KIAA0513: variants seen among roughly 807,000 people sequenced by gnomAD.
The protein encoded by KIAA0513 is uncharacterized protein KIAA0513.
KIAA0513 carries 39 observed loss-of-function variants against 56.5 expected under a neutral mutation model. The observed-to-expected ratio is 0.69, with a 90% CI of 0.53 to 0.90. The LOEUF is 0.90. Ranked by LOEUF, KIAA0513 falls within the 40% of genes least tolerant of loss-of-function variation. The pLI is 0.00. For synonymous variants in KIAA0513, 268 were observed against 215.6 expected (o/e 1.24, Z -2.13); for missense variants, 591 against 535.2 (o/e 1.10, Z -1.03).
chr16:85,073,121 C>A, intron 4 of KIAA0513, 123 bp downstream of exon 4: 1 of 834,662 alleles, frequency 1.2e-6, no homozygotes, highest in Non-Finnish European at 2.1e-6. Flanking sequence ...CATCAGGTTG[C>A]AGTTGCTCTG....
Position 85,078,927 on chromosome 16 carries a change from A to G in KIAA0513, c.826A>G (p.Thr276Ala). The G allele has an allele frequency of 6.2e-7, 1 of 1,614,132 alleles. No homozygotes were observed. The change falls in exon 8 of 13, where the codon ACC becomes GCC. Residue 276 changes from threonine to alanine, a missense_variant and splice_region_variant. By Grantham distance (58) the Thr-to-Ala change is moderately conservative. Transcript: ENST00000683363. ...AGCCATTCTCTCTCCTCCCACAGTGACCGCGTACAGCCCCGAGGACGAAAA... is the reference window on the plus strand; with the variant it reads ...AGCCATTCTCTCTCCTCCCACAGTGGCCGCGTACAGCCCCGAGGACGAAAA... ...KPQEKRPRAVTAYSPEDEKKG... is the reference protein window; with the variant it reads ...KPQEKRPRAVAAYSPEDEKKG...
intron 1 of KIAA0513, among the ~76,000 whole-genome samples, chr16:85,052,903 T>C (rs1403829824): frequency 6.6e-6 from 1 of 152,162 alleles, no homozygotes; most frequent in Non-Finnish European, 1.5e-5. Context: ...TTTTATTTTT[T>C]TTATTTTGAG....
In KIAA0513 at chr16:85,087,749, C is replaced by T. The variant is rs531640254; in HGVS notation, c.1187-527C>T. Reference sequence around the variant, plus strand: ...AAGGACTTACACTTAGGCGTGGGTACGGATTGACCCATATTCTTTAGAGAA... The same window carrying T: ...AAGGACTTACACTTAGGCGTGGGTATGGATTGACCCATATTCTTTAGAGAA... On this transcript the variant is annotated intron_variant, in intron 12 of 12. Coordinates refer to ENST00000683363, the MANE Select transcript of KIAA0513 (RefSeq NM_001388359.1). Among the ~76,000 whole-genome samples the T allele has an allele frequency of 7.9e-5, 12 of 152,310 alleles. No individual in the cohort carries two copies. In the South Asian group the frequency reaches 1.9e-3, roughly 24 times the overall value.
At chr16:85,079,762 T>G (rs1197395590) in intron 8 of KIAA0513, 1 of 152,148 alleles carries the variant, frequency 6.6e-6, no homozygotes, top group Admixed American at 6.6e-5. Flanking sequence ...GAATTGTATG[T>G]TTTAGAGGGT....
intron 1 of KIAA0513, among the ~76,000 whole-genome samples, chr16:85,049,337 GC>G: frequency 6.6e-6 from 1 of 152,362 alleles, no homozygotes. Context: ...CATGGGGCCA[GC>G]GGGAGCTGAG....
intron 1 of KIAA0513, among the ~76,000 whole-genome samples, chr16:85,044,826 AGAAG>A (rs2073150018): frequency 6.6e-6 from 1 of 151,770 alleles, no homozygotes; most frequent in African/African-American, 2.4e-5. Flanking sequence ...CTCTTAAGAA[AGAAG>A]GCATTTGGCC....
intron 1 of KIAA0513, among the ~76,000 whole-genome samples, chr16:85,047,319 A>G (rs1282878575): frequency 1.3e-5 from 2 of 152,098 alleles, no homozygotes; most frequent in African/African-American, 2.4e-5. Context: ...AGCTCGTAAC[A>G]ACTTGATGGG....
At chr16:85,085,306 C>T (rs2073795853) in intron 10 of KIAA0513, among the ~76,000 whole-genome samples, 1 of 152,220 alleles carries the variant, frequency 6.6e-6, no homozygotes, top group African/African-American at 2.4e-5. Flanking sequence ...CCCCATCATG[C>T]CCCTGATGTC....
At position 85,057,775 on chromosome 16, in the gene KIAA0513, T is replaced by G. The variant is rs570659009; in HGVS notation, c.-172-9125T>G. 6.5e-4 allele frequency among the ~76,000 whole-genome samples: 99 copies of G among 151,884 alleles called. 3 individuals are homozygous for G. The highest frequency in any genetic ancestry group is 5.9e-4 in the Admixed American group (9 of 15,278). On this transcript the variant is annotated intron_variant, in intron 1 of 12. Transcript: ENST00000683363. ...GCCTCTGCTTTTTGTTTTTGTTTTT[T>G]TTTTTTTTCTCTCTCTCTCCTTTTA...
intron 10 of KIAA0513, among the ~76,000 whole-genome samples, 167 bp downstream of exon 10, chr16:85,082,760 G>C (rs1054109491): frequency 2.0e-5 from 3 of 152,218 alleles, no homozygotes; most frequent in Non-Finnish European, 4.4e-5. Flanking sequence ...GGTGAGGCCA[G>C]CGCTAGGGCA....
chr16:85,068,522 C>T (rs879769093), intron 2 of KIAA0513, among the ~76,000 whole-genome samples: 46 of 151,876 alleles, frequency 3.0e-4, no homozygotes, highest in African/African-American at 9.4e-4. Context: ...TTAGTAGAGA[C>T]GGGGTTTCAC....
chr16:85,068,863 A>T (rs1298019907), intron 2 of KIAA0513, among the ~76,000 whole-genome samples: 1 of 152,056 alleles, frequency 6.6e-6, no homozygotes, highest in Non-Finnish European at 1.5e-5. Context: ...CACAAGGGGC[A>T]CTTGTTCTGC....
chr16:85,042,551 A>T (rs1457443365), intron 1 of KIAA0513, among the ~76,000 whole-genome samples: 1 of 152,208 alleles, frequency 6.6e-6, no homozygotes, highest in African/African-American at 2.4e-5. Flanking sequence ...TAACCCTTTT[A>T]AGCCTTAAAG....
At chr16:85,073,321 C>T (rs1200160158) in intron 4 of KIAA0513, among the ~76,000 whole-genome samples, 2 of 152,200 alleles carry the variant, frequency 1.3e-5, no homozygotes, top group African/African-American at 4.8e-5. Flanking sequence ...CTGGTACTTT[C>T]CCGAGTTCCT....
intron 1 of KIAA0513, among the ~76,000 whole-genome samples, chr16:85,062,826 T>C (rs2073424686): frequency 6.6e-6 from 1 of 152,166 alleles, no homozygotes; most frequent in Non-Finnish European, 1.5e-5. Context: ...TCCTCTGTTT[T>C]CGCCAGATGG....
Position 85,090,012 on chromosome 16 carries a change from G to C in KIAA0513, c.*1687G>C, listed in dbSNP as rs1057158804. 2 of 152,226 alleles carry C rather than the reference G, an allele frequency of 1.3e-5. No individual in the cohort carries two copies. Among genetic ancestry groups the C allele is most frequent in the African/African-American group, 4.8e-5 (2 of 41,448 alleles). 9.4% of individuals were successfully genotyped at this position (152,226 alleles called of 1,614,324 possible). A position where few individuals can be genotyped will look rare whatever the true frequency, so the allele number is the denominator to read the frequency against. Reference sequence around the variant, plus strand: ...CTCAGCCTAGCGATGCCGCTGGCCAGACCGTGACCATGCTGCCAGTGTGCT... The same window carrying C: ...CTCAGCCTAGCGATGCCGCTGGCCACACCGTGACCATGCTGCCAGTGTGCT... On this transcript the variant is annotated 3_prime_UTR_variant, in exon 13 of 13. Coordinates refer to ENST00000683363, the MANE Select transcript of KIAA0513 (RefSeq NM_001388359.1).
chr16:85,039,899 A>G (rs995085082), intron 1 of KIAA0513, among the ~76,000 whole-genome samples: 1 of 151,002 alleles, frequency 6.6e-6, no homozygotes, highest in Non-Finnish European at 1.5e-5. Flanking sequence ...CAGTGGCACC[A>G]TCTTGGCTCC....
At chr16:85,028,079 C>T (rs2072913272) in intron 1 of KIAA0513, among the ~76,000 whole-genome samples, 1 of 152,112 alleles carries the variant, frequency 6.6e-6, no homozygotes, top group South Asian at 2.1e-4. Context: ...TCCTCGCCTG[C>T]TGGGAGGCAA....
At chr16:85,036,586 C>G (rs377754002) in intron 1 of KIAA0513, among the ~76,000 whole-genome samples, 1 of 151,360 alleles carries the variant, frequency 6.6e-6, no homozygotes, top group Non-Finnish European at 1.5e-5. Context: ...TCCATCTGCC[C>G]TCTTGCAGAT....
Sources: gnomAD v4.1 joint callset for allele counts (sites outside exome capture counted in the v4.1 genomes callset) on GRCh38, gnomAD v4.1.1 for gene constraint, MANE v1.5 for transcripts, NCBI Gene and HGNC (gene_info 2026-07-23, HGNC 2026-07-21) for gene names.